Variants in PCLO observed in about 807,000 individuals in gnomAD.
PCLO encodes the protein piccolo presynaptic cytomatrix protein.
Under a neutral mutation model 427.5 loss-of-function variants are expected in PCLO, and 82 were observed. The observed-to-expected ratio is 0.19, with a 90% confidence interval of 0.16 to 0.23. The LOEUF (loss-of-function observed/expected upper bound fraction) is 0.23, where lower values mean the gene tolerates loss of function less well. PCLO is among the 10% of genes least tolerant of loss of function. The probability of loss-of-function intolerance (pLI) is 1.00; values close to 1 mark genes in which losing one functional copy is unlikely to be tolerated. For missense variants in PCLO, 6,239 were observed against 6,115.9 expected (o/e 1.02, Z -0.67); for synonymous variants, 2,357 against 2,155.4 (o/e 1.09, Z -2.59).
intron 10 of PCLO, among the ~76,000 whole-genome samples, chr7:82,878,957 C>A (rs971512785): frequency 1.3e-5 from 2 of 152,116 alleles, no homozygotes; most frequent in African/African-American, 4.8e-5. Context: ...GCTTACCCAA[C>A]CTTAGTGTGT....
intron 10 of PCLO, among the ~76,000 whole-genome samples, chr7:82,878,967 T>C: frequency 6.6e-6 from 1 of 152,308 alleles, no homozygotes; most frequent in South Asian, 2.1e-4. Context: ...CCTTAGTGTG[T>C]ACTGGATCAT....
chr7:83,091,061 T>C (rs1790365901), intron 3 of PCLO, among the ~76,000 whole-genome samples: 1 of 152,152 alleles, frequency 6.6e-6, no homozygotes, highest in Non-Finnish European at 1.5e-5. Flanking sequence ...AAACCACCTA[T>C]TTTAGTTTCC....
At chr7:83,019,416 T>C (rs1788287099) in intron 3 of PCLO, among the ~76,000 whole-genome samples, 1 of 151,750 alleles carries the variant, frequency 6.6e-6, no homozygotes, top group Admixed American at 6.6e-5. Context: ...TTGTAACCTG[T>C]GGTCTCCCAA....
chr7:83,130,955 TA>T (rs1791556655), intron 3 of PCLO, among the ~76,000 whole-genome samples: 2 of 152,316 alleles, frequency 1.3e-5, no homozygotes, highest in African/African-American at 4.8e-5. Context: ...ATTTTCATAG[TA>T]AAAAAGTTAG....
At chr7:82,870,925 CA>C (rs1793218963) in intron 10 of PCLO, among the ~76,000 whole-genome samples, 1 of 151,692 alleles carries the variant, frequency 6.6e-6, no homozygotes, top group Non-Finnish European at 1.5e-5. Context: ...TGGCTCTTTT[CA>C]AAATAGAGAT....
intron 3 of PCLO, among the ~76,000 whole-genome samples, chr7:83,036,866 C>T (rs78443368): frequency 0.01 from 1,581 of 152,212 alleles, 23 homozygotes; most frequent in African/African-American, 0.036. Context: ...AAGGCTGCTT[C>T]TTCATGACCA....
intron 2 of PCLO, among the ~76,000 whole-genome samples, chr7:83,144,180 G>A (rs1271397829): frequency 6.6e-6 from 1 of 152,166 alleles, no homozygotes; most frequent in Non-Finnish European, 1.5e-5. Flanking sequence ...TGCACACTTT[G>A]GGAGGCTAAG....
rs1421201859 is a variant in PCLO, at chr7:83,096,980, T to A, written c.3300+37270A>T. Reference sequence around the variant, plus strand: ...TAATATAATATAATATATTATATATTATATAAATAATATATATTATATAAA... The same window carrying A: ...TAATATAATATAATATATTATATATAATATAAATAATATATATTATATAAA... On this transcript the variant is annotated intron_variant, in intron 3 of 24. Coordinates refer to ENST00000333891, the MANE Select transcript of PCLO (RefSeq NM_033026.6). Among the ~76,000 whole-genome samples the A allele has an allele frequency of 1.4e-4, 6 of 42,426 alleles. 2 individuals are homozygous for A. The highest frequency in any genetic ancestry group is 1.1e-3 in the South Asian group (2 of 1,826). The allele number at this position is 42,426 out of a possible 152,430, so 27.8% of individuals were successfully genotyped here.
intron 9 of PCLO, among the ~76,000 whole-genome samples, chr7:82,896,039 C>T (rs566917346): frequency 1.3e-5 from 2 of 151,914 alleles, no homozygotes; most frequent in African/African-American, 4.8e-5. Flanking sequence ...TATCCACAAA[C>T]AATTACTTAA....
At chr7:83,043,047 T>A (rs1789011373) in intron 3 of PCLO, among the ~76,000 whole-genome samples, 1 of 152,202 alleles carries the variant, frequency 6.6e-6, no homozygotes, top group Non-Finnish European at 1.5e-5. Flanking sequence ...GCAGACGGAC[T>A]GTGCTGTGCA....
chr7:82,788,379 GTT>G (rs1282201341), intron 22 of PCLO, among the ~76,000 whole-genome samples: 32 of 151,342 alleles, frequency 2.1e-4, no homozygotes, highest in African/African-American at 7.5e-4. Context: ...TAATAACTCA[GTT>G]AACTGCCTTA....
At chr7:82,958,818 T>C (rs1445843195) in intron 4 of PCLO, among the ~76,000 whole-genome samples, 1 of 152,164 alleles carries the variant, frequency 6.6e-6, no homozygotes, top group Non-Finnish European at 1.5e-5. Context: ...TCTGGATGGT[T>C]ATAGTGGAGA....
At position 82,824,395 on chromosome 7, in the gene PCLO, T is replaced by C. The variant is rs773527126; in HGVS notation, c.14437A>G (p.Thr4813Ala). 1.2e-6 allele frequency: 2 copies of C among 1,603,436 alleles called. No homozygotes were observed. The highest frequency in any genetic ancestry group is 1.7e-6 in the Non-Finnish European group (2 of 1,173,962). Reference sequence around the variant, plus strand: ...CTTGGAGTGTTATCGAGGTGAGATGTGCTAGATAAATCAATCAATACCTGA... The same window carrying C: ...CTTGGAGTGTTATCGAGGTGAGATGCGCTAGATAAATCAATCAATACCTGA... ...LGEVLIDLSS[T>A]SHLDNTPRWY... Residue 4813 changes from threonine to alanine, a missense_variant, in exon 19 of 25, where the codon ACA (threonine) becomes GCA (alanine). By Grantham distance (58) the Thr-to-Ala change is moderately conservative. Coordinates refer to ENST00000333891, the MANE Select transcript of PCLO (RefSeq NM_033026.6).
At chr7:83,074,127 AT>A (rs1271773635) in intron 3 of PCLO, among the ~76,000 whole-genome samples, 1 of 152,038 alleles carries the variant, frequency 6.6e-6, no homozygotes, top group Admixed American at 6.6e-5. Context: ...AAGACAACTC[AT>A]TATTAAAATA....
chr7:83,003,117 T>A (rs972067518), intron 3 of PCLO, among the ~76,000 whole-genome samples: 2 of 151,398 alleles, frequency 1.3e-5, no homozygotes, highest in African/African-American at 2.4e-5. Context: ...CTTACCTATA[T>A]TTTATATTTT....
intron 11 of PCLO, 94 bp downstream of exon 11, chr7:82,847,045 T>A (rs1428277127): frequency 5.1e-5 from 33 of 641,772 alleles, no homozygotes; most frequent in Non-Finnish European, 7.6e-5. Context: ...CCAGAAAATC[T>A]TGCTAACTGG....
chr7:83,016,219 T>C (rs371471480), intron 3 of PCLO, among the ~76,000 whole-genome samples: 3 of 151,904 alleles, frequency 2.0e-5, no homozygotes, highest in Non-Finnish European at 4.4e-5. Context: ...TCAGGAAATG[T>C]CAAAATAAAA....
chr7:82,906,514 A>C (rs1304728363), intron 8 of PCLO, among the ~76,000 whole-genome samples: 1 of 152,080 alleles, frequency 6.6e-6, no homozygotes, highest in Non-Finnish European at 1.5e-5. Context: ...ATGAATTTTG[A>C]ATTTTATATA....
At chr7:82,904,310 A>C (rs1794128893) in intron 8 of PCLO, among the ~76,000 whole-genome samples, 1 of 149,228 alleles carries the variant, frequency 6.7e-6, no homozygotes, top group African/African-American at 2.5e-5. Context: ...TCAGCCTCTC[A>C]CTCTTTCCTT....
Sources: gnomAD v4.1 joint callset for allele counts (sites outside exome capture counted in the v4.1 genomes callset) on GRCh38, gnomAD v4.1.1 for gene constraint, MANE v1.5 for transcripts, NCBI Gene and HGNC (gene_info 2026-07-23, HGNC 2026-07-21) for gene names.